The following ERBB4 variants were observed in gnomAD, a reference collection of about 807,000 sequenced individuals.
ERBB4 encodes the protein receptor tyrosine-protein kinase erbB-4.
Under a neutral mutation model 158.0 loss-of-function variants are expected in ERBB4, and 42 were observed. That is an observed-to-expected ratio of 0.27 (90% confidence interval 0.21 to 0.34). The LOEUF (loss-of-function observed/expected upper bound fraction) is 0.34. Ranked by LOEUF, ERBB4 falls within the 10% of genes least tolerant of loss-of-function variation. The probability of loss-of-function intolerance (pLI) is 1.00; values close to 1 mark genes in which losing one functional copy is unlikely to be tolerated. For synonymous variants in ERBB4, 583 were observed against 558.7 expected (o/e 1.04, Z -0.61); for missense variants, 1,333 against 1,624.1 (o/e 0.82, Z 3.08).
intron 19 of ERBB4, among the ~76,000 whole-genome samples, chr2:211,593,818 A>C (rs1003419576): frequency 6.6e-6 from 1 of 152,144 alleles, no homozygotes; most frequent in Non-Finnish European, 1.5e-5. Context: ...CATTCACCCT[A>C]CAGAGATTTC....
intron 2 of ERBB4, among the ~76,000 whole-genome samples, chr2:212,104,262 A>G (rs946495659): frequency 6.6e-6 from 1 of 152,072 alleles, no homozygotes; most frequent in Non-Finnish European, 1.5e-5. Flanking sequence ...GTTTCTATTC[A>G]TCTTGGGATC....
intron 19 of ERBB4, among the ~76,000 whole-genome samples, chr2:211,608,100 G>A (rs1282965839): frequency 6.6e-6 from 1 of 151,862 alleles, no homozygotes; most frequent in Non-Finnish European, 1.5e-5. Flanking sequence ...GTTATACACA[G>A]TTTGATTTTC....
intron 2 of ERBB4, among the ~76,000 whole-genome samples, chr2:211,953,903 C>T (rs1404441484): frequency 6.6e-6 from 1 of 151,972 alleles, no homozygotes; most frequent in Admixed American, 6.6e-5. Flanking sequence ...ATAAGCATTT[C>T]TCCTGCATAA....
intron 1 of ERBB4, among the ~76,000 whole-genome samples, chr2:212,169,314 T>C (rs1323287349): frequency 1.3e-5 from 2 of 152,116 alleles, no homozygotes; most frequent in Non-Finnish European, 2.9e-5. Flanking sequence ...AGGAAATCCA[T>C]ATAGTATAAT....
chr2:211,766,397 A>C (rs374684778), intron 4 of ERBB4, among the ~76,000 whole-genome samples: 40 of 152,228 alleles, frequency 2.6e-4, no homozygotes, highest in African/African-American at 9.4e-4. Flanking sequence ...CTAAACTTTG[A>C]AATAAAAGTC....
chr2:212,042,108 G>A (rs1169294090), intron 2 of ERBB4, among the ~76,000 whole-genome samples: 1 of 152,004 alleles, frequency 6.6e-6, no homozygotes, highest in East Asian at 1.9e-4. Context: ...AAGCTCATAA[G>A]CTGTATTCAA....
At chr2:211,831,384 G>T (rs1047898633) in intron 3 of ERBB4, among the ~76,000 whole-genome samples, 1 of 152,088 alleles carries the variant, frequency 6.6e-6, no homozygotes, top group Non-Finnish European at 1.5e-5. Context: ...GAGCTTTTCA[G>T]GGTCTTGTTA....
At chr2:211,735,812 T>A (rs1402732501) in intron 5 of ERBB4, among the ~76,000 whole-genome samples, 1 of 151,940 alleles carries the variant, frequency 6.6e-6, no homozygotes, top group Non-Finnish European at 1.5e-5. Flanking sequence ...CAGAAGAATA[T>A]GTTTTGCTTT....
chr2:212,068,137 T>C (rs1483985158), intron 2 of ERBB4, among the ~76,000 whole-genome samples: 1 of 152,028 alleles, frequency 6.6e-6, no homozygotes, highest in Non-Finnish European at 1.5e-5. Flanking sequence ...TTCTCTGGTG[T>C]GTTGTATCCT....
intron 20 of ERBB4, among the ~76,000 whole-genome samples, chr2:211,461,219 T>C (rs1351743113): frequency 6.6e-6 from 1 of 152,148 alleles, no homozygotes; most frequent in Non-Finnish European, 1.5e-5. Flanking sequence ...TATTGTAAGA[T>C]AAAACAAATG....
At chr2:212,437,633 T>C (rs1241043068) in intron 1 of ERBB4, among the ~76,000 whole-genome samples, 1 of 152,106 alleles carries the variant, frequency 6.6e-6, no homozygotes, top group African/African-American at 2.4e-5. Flanking sequence ...CAGAATAATG[T>C]TCAAATGCCT....
chr2:211,539,125 T>A (rs1559274319), intron 20 of ERBB4, among the ~76,000 whole-genome samples: 1 of 151,982 alleles, frequency 6.6e-6, no homozygotes, highest in East Asian at 1.9e-4. Context: ...CTGAATAACC[T>A]ATAACATTTT....
intron 2 of ERBB4, among the ~76,000 whole-genome samples, chr2:212,019,874 A>T (rs566698612): frequency 6.6e-6 from 1 of 152,118 alleles, no homozygotes; most frequent in Admixed American, 6.6e-5. Flanking sequence ...TTATTTTGAA[A>T]TCCAAAACAA....
intron 1 of ERBB4, among the ~76,000 whole-genome samples, chr2:212,483,159 G>A (rs2106167886): frequency 6.6e-6 from 1 of 152,260 alleles, no homozygotes; most frequent in South Asian, 2.1e-4. Context: ...TCAAAGCAAA[G>A]GTCGTACCAT....
chr2:211,968,549 T>A (rs1338260792), intron 2 of ERBB4, among the ~76,000 whole-genome samples: 1 of 152,018 alleles, frequency 6.6e-6, no homozygotes, highest in Non-Finnish European at 1.5e-5. Flanking sequence ...TTAACAACTA[T>A]TATTTAATCC....
chr2:212,296,994 AT>A (rs966454289), intron 1 of ERBB4, among the ~76,000 whole-genome samples: 4 of 151,500 alleles, frequency 2.6e-5, no homozygotes, highest in African/African-American at 9.7e-5. Context: ...ACTGTCCCTT[AT>A]TTTTTTCCCT....
At chr2:212,256,025 G>C (rs949256469) in intron 1 of ERBB4, among the ~76,000 whole-genome samples, 3 of 149,824 alleles carry the variant, frequency 2.0e-5, no homozygotes, top group African/African-American at 7.3e-5. Flanking sequence ...AATGGGGGGG[G>C]GTCTCACTCT....
At chr2:211,644,911 A>T (rs1174936385) in intron 16 of ERBB4, among the ~76,000 whole-genome samples, 2 of 151,948 alleles carry the variant, frequency 1.3e-5, no homozygotes, top group Non-Finnish European at 2.9e-5. Context: ...ATCTAAGCAA[A>T]TGACTTATCT....
chr2:212,287,448 T>G (rs2086033433), intron 1 of ERBB4, among the ~76,000 whole-genome samples: 1 of 152,220 alleles, frequency 6.6e-6, no homozygotes, highest in Non-Finnish European at 1.5e-5. Context: ...ATATGCTTTT[T>G]GTTCACCTTT....
Sources: gnomAD v4.1 joint callset for allele counts (sites outside exome capture counted in the v4.1 genomes callset) on GRCh38, gnomAD v4.1.1 for gene constraint, MANE v1.5 for transcripts, NCBI Gene and HGNC (gene_info 2026-07-23, HGNC 2026-07-21) for gene names.